Variants in WWOX observed in about 807,000 individuals in gnomAD.
WWOX encodes the protein WW domain containing oxidoreductase.
A neutral mutation model predicts 46.2 loss-of-function variants in WWOX; 69 were observed. The ratio of observed to expected loss-of-function variants is 1.49; its 90% confidence interval spans 1.23 to 1.82. WWOX has a LOEUF of 1.82. Among genes scored for constraint, WWOX ranks in the 40% most tolerant of loss-of-function variants. The probability of loss-of-function intolerance (pLI) is 0.00; values close to 1 mark genes in which losing one functional copy is unlikely to be tolerated. For synonymous variants in WWOX, 359 were observed against 202.6 expected (o/e 1.77, Z -6.56); for missense variants, 919 against 542.6 (o/e 1.69, Z -6.89).
chr16:78,545,324 T>C (rs935057741), intron 8 of WWOX, among the ~76,000 whole-genome samples: 26 of 152,282 alleles, frequency 1.7e-4, no homozygotes, highest in Admixed American at 2.6e-4. Flanking sequence ...TGCAGGGCGA[T>C]TGTGGCCTGC....
chr16:78,642,134 C>T (rs1172130267), intron 8 of WWOX, among the ~76,000 whole-genome samples: 1 of 152,178 alleles, frequency 6.6e-6, no homozygotes, highest in African/African-American at 2.4e-5. Context: ...CTCCATCTAA[C>T]AAGAAAATAT....
chr16:78,616,518 T>C (rs537389738), intron 8 of WWOX, among the ~76,000 whole-genome samples: 2 of 150,400 alleles, frequency 1.3e-5, no homozygotes, highest in Admixed American at 1.3e-4. Context: ...TCCCAGCACT[T>C]TGGGAGGCCG....
chr16:78,146,481 T>A (rs1205433290), intron 4 of WWOX, among the ~76,000 whole-genome samples: 1 of 152,196 alleles, frequency 6.6e-6, no homozygotes, highest in African/African-American at 2.4e-5. Flanking sequence ...CAGCCTCAGC[T>A]GGAAGCTCCT....
At chr16:78,375,734 A>G (rs749998553) in intron 5 of WWOX, among the ~76,000 whole-genome samples, 21 of 152,324 alleles carry the variant, frequency 1.4e-4, no homozygotes, top group Admixed American at 3.9e-4. Context: ...AAAAAATTAT[A>G]GTTTCCTAAG....
At chr16:78,692,958 C>G (rs1377492134) in intron 8 of WWOX, among the ~76,000 whole-genome samples, 1 of 152,174 alleles carries the variant, frequency 6.6e-6, no homozygotes, top group Non-Finnish European at 1.5e-5. Flanking sequence ...ATTAAACACC[C>G]TTCTCTCCCT....
At position 78,239,499 on chromosome 16, in the gene WWOX, C is replaced by G. The variant is rs541334423; in HGVS notation, c.516+75210C>G. On this transcript the variant is annotated intron_variant, in intron 5 of 8. Transcript: ENST00000566780. ...TGCTTCCCAGGCCCCTCTATCCCCTCTGTTCTTGCTTAGGCATTAGTGATT... is the reference window on the plus strand; with the variant it reads ...TGCTTCCCAGGCCCCTCTATCCCCTGTGTTCTTGCTTAGGCATTAGTGATT... Among the ~76,000 whole-genome samples the G allele has an allele frequency of 4.6e-5, 7 of 152,308 alleles. No individual in the cohort carries two copies. The East Asian group carries it at 1.2e-3, about 25-fold the overall frequency.
At position 79,118,859 on chromosome 16, in the gene WWOX, A is replaced by C. The variant is rs75411460; in HGVS notation, c.1057-92749A>C. Among the ~76,000 whole-genome samples, 1,097 of 152,298 alleles carry C rather than the reference A, an allele frequency of 7.2e-3. 17 individuals carry two copies. Among genetic ancestry groups the C allele is most frequent in the African/African-American group, 0.024 (1,018 of 41,556 alleles). The stretch of plus-strand genomic sequence containing the variant: ...TTGTTCTAAATGCTTCTTAACTGCA[A>C]TTCTTAGTGGTTGTGATAGTCCACA... On this transcript the variant is annotated intron_variant, in intron 8 of 8. Transcript: ENST00000566780.
chr16:79,206,932 G>A lies in WWOX; in HGVS notation c.1057-4676G>A, dbSNP rs180937017. ...TGAGTAGGGAACAAGTGGCCTTTTGGAGCAGTTTGCTTTCATTTGTGTTTC... is the reference window on the plus strand; with the variant it reads ...TGAGTAGGGAACAAGTGGCCTTTTGAAGCAGTTTGCTTTCATTTGTGTTTC... On this transcript the variant is annotated intron_variant, in intron 8 of 8. Transcript: ENST00000566780. Among the ~76,000 whole-genome samples the A allele has an allele frequency of 3.2e-4, 49 of 152,272 alleles. No homozygotes were observed. In the East Asian group the frequency reaches 4.6e-3, roughly 14 times the overall value.
intron 5 of WWOX, among the ~76,000 whole-genome samples, chr16:78,246,334 A>G (rs2037813986): frequency 1.3e-5 from 2 of 152,288 alleles, no homozygotes; most frequent in Non-Finnish European, 2.9e-5. Flanking sequence ...TCATACATAT[A>G]CTAACATGCA....
At chr16:78,608,336 T>G (rs370822847) in intron 8 of WWOX, among the ~76,000 whole-genome samples, 5 of 152,336 alleles carry the variant, frequency 3.3e-5, no homozygotes, top group East Asian at 1.9e-4. Context: ...TTTTGCTTTC[T>G]TTCAAAGCCC....
At chr16:79,204,408 G>C (rs532356100) in intron 8 of WWOX, 4 of 152,126 alleles carry the variant, frequency 2.6e-5, no homozygotes, top group African/African-American at 9.6e-5. Flanking sequence ...TCCTTCCCTC[G>C]TTAGGAGTAC....
At chr16:78,880,460 C>T (rs969125678) in intron 8 of WWOX, among the ~76,000 whole-genome samples, 1 of 152,170 alleles carries the variant, frequency 6.6e-6, no homozygotes, top group African/African-American at 2.4e-5. Flanking sequence ...TAGCTGCTTT[C>T]CTTCTCTGTT....
chr16:78,635,919 A>G lies in WWOX; in HGVS notation c.1056+203167A>G, dbSNP rs147669981. Among the ~76,000 whole-genome samples the G allele has an allele frequency of 2.1e-3, 326 of 152,298 alleles. 2 individuals are homozygous for G. The highest frequency in any genetic ancestry group is 7.3e-3 in the African/African-American group (304 of 41,566). On this transcript the variant is annotated intron_variant, in intron 8 of 8. Coordinates refer to ENST00000566780, the MANE Select transcript of WWOX (RefSeq NM_016373.4). ...GACACAGAGAAAAGTGCCTCGTATT[A>G]TACAGAGCCAAGAGAGGTCACTGTG...
At chr16:78,243,959 G>A (rs1404842878) in intron 5 of WWOX, among the ~76,000 whole-genome samples, 2 of 152,204 alleles carry the variant, frequency 1.3e-5, no homozygotes, top group Non-Finnish European at 2.9e-5. Flanking sequence ...AGATAATGAA[G>A]CTCCTGTCCT....
At chr16:78,395,959 G>C (rs1397334789) in intron 6 of WWOX, among the ~76,000 whole-genome samples, 1 of 152,128 alleles carries the variant, frequency 6.6e-6, no homozygotes, top group Non-Finnish European at 1.5e-5. Flanking sequence ...GCCTGCTCTG[G>C]ATAAGTGAGG....
At chr16:78,724,787 G>A (rs2048785111) in intron 8 of WWOX, among the ~76,000 whole-genome samples, 2 of 152,112 alleles carry the variant, frequency 1.3e-5, no homozygotes, top group Non-Finnish European at 2.9e-5. Context: ...GTGATTTGAT[G>A]ATTTGATGAA....
At chr16:78,688,436 C>G (rs527636200) in intron 8 of WWOX, among the ~76,000 whole-genome samples, 31 of 151,632 alleles carry the variant, frequency 2.0e-4, no homozygotes, top group African/African-American at 7.5e-4. Flanking sequence ...GTCTCATTCA[C>G]TTCTTTCTAT....
chr16:78,481,635 GA>G lies in WWOX; in HGVS notation c.1056+48894del, dbSNP rs373734150. Among the ~76,000 whole-genome samples, 53 of 123,214 alleles carry G rather than the reference GA, an allele frequency of 4.3e-4. 1 individual carries two copies. The highest frequency in any genetic ancestry group is 1.9e-3 in the East Asian group (9 of 4,830). 80.8% of individuals were successfully genotyped at this position (123,214 alleles called of 152,430 possible). On this transcript the variant is annotated intron_variant, in intron 8 of 8. Coordinates refer to ENST00000566780, the MANE Select transcript of WWOX (RefSeq NM_016373.4). The stretch of plus-strand genomic sequence containing the variant: ...CACTGAGCCTAGTTGATGGAATTGT[GA>G]AAAAAAAAAAGAATGTTTTCCCAAC...
At position 78,662,950 on chromosome 16, in the gene WWOX, G is replaced by A. The variant is rs1280675676; in HGVS notation, c.1056+230198G>A. ...TGGTGAGAGAGACCGCAGCCAGGGTGTTTTTTTAACTTAATCTTGGAAGTC... is the reference window on the plus strand; with the variant it reads ...TGGTGAGAGAGACCGCAGCCAGGGTATTTTTTTAACTTAATCTTGGAAGTC... On this transcript the variant is annotated intron_variant, in intron 8 of 8. Coordinates refer to ENST00000566780, the MANE Select transcript of WWOX (RefSeq NM_016373.4). Among the ~76,000 whole-genome samples, 3 of 152,208 alleles carry A rather than the reference G, an allele frequency of 2.0e-5. No homozygotes were observed. In the East Asian group the frequency reaches 5.8e-4, roughly 30 times the overall value.
Sources: allele counts gnomAD v4.1 joint callset (sites outside exome capture counted in the v4.1 genomes callset), GRCh38; gene constraint gnomAD v4.1.1; transcripts MANE v1.5; gene names NCBI Gene and HGNC (gene_info 2026-07-23, HGNC 2026-07-21).